Variants in DTX2 observed in about 807,000 individuals in gnomAD.
DTX2 encodes the protein probable E3 ubiquitin-protein ligase DTX2.
A neutral mutation model predicts 55.3 loss-of-function variants in DTX2; 29 were observed. The observed-to-expected ratio is 0.52, with a 90% CI of 0.39 to 0.71. The LOEUF (loss-of-function observed/expected upper bound fraction) is 0.71, where lower values mean the gene tolerates loss of function less well. DTX2 is among the 30% of genes least tolerant of loss of function. The probability of loss-of-function intolerance (pLI) is 0.00; values close to 1 mark genes in which losing one functional copy is unlikely to be tolerated. For missense variants in DTX2, 537 were observed against 822.5 expected (o/e 0.65, Z 4.25); for synonymous variants, 276 against 340.4 (o/e 0.81, Z 2.08).
chr7:76,499,031 G>A (rs1811315719), intron 6 of DTX2, among the ~76,000 whole-genome samples: 2 of 55,890 alleles, frequency 3.6e-5, no homozygotes, highest in Admixed American at 1.7e-4. Context: ...GTGTGAGGTG[G>A]GGTGTGAGGT....
Position 76,480,650 on chromosome 7 carries a change from C to G in DTX2, c.141C>G (p.Val47=). ...GCAGCTTCATCGAGCAGCAGTTTGTCCAGCAGAAGGGCCAACGTTTTGGGC... is the reference window on the plus strand; with the variant it reads ...GCAGCTTCATCGAGCAGCAGTTTGTGCAGCAGAAGGGCCAACGTTTTGGGC... The part of the protein sequence containing the change: ...TVCSFIEQQF[V]QQKGQRFGLG... The change falls in exon 3 of 11, where the codon GTC becomes GTG. Residue 47 remains valine (V), a synonymous_variant. Transcript: ENST00000430490. 6.2e-7 allele frequency: 1 copy of G among 1,613,680 alleles called. No individual in the cohort carries two copies. The highest frequency in any genetic ancestry group is 1.3e-5 in the African/African-American group (1 of 75,032).
At chr7:76,463,148 C>T (rs1328346047) in intron 1 of DTX2, among the ~76,000 whole-genome samples, 1 of 150,086 alleles carries the variant, frequency 6.7e-6, no homozygotes, top group African/African-American at 2.5e-5. Context: ...CGTGGTGACT[C>T]GAGCCTATAA....
At chr7:76,473,023 GTC>G (rs1176673052) in intron 2 of DTX2, among the ~76,000 whole-genome samples, 1 of 151,698 alleles carries the variant, frequency 6.6e-6, no homozygotes, top group Non-Finnish European at 1.5e-5. Context: ...AGAGATGGGG[GTC>G]TCTCTGTGTT....
In DTX2 at chr7:76,491,447, C is replaced by T. The variant is rs577878052; in HGVS notation, c.909-706C>T. ...GGACTACAGCTGTGTGCCAGCATGCCCAGCTAATTTTTTATATTTTTAGTA... is the reference window on the plus strand; with the variant it reads ...GGACTACAGCTGTGTGCCAGCATGCTCAGCTAATTTTTTATATTTTTAGTA... On this transcript the variant is annotated intron_variant, in intron 4 of 10. Coordinates refer to ENST00000430490, the MANE Select transcript of DTX2 (RefSeq NM_001102594.3). 4.2e-4 allele frequency among the ~76,000 whole-genome samples: 46 copies of T among 110,624 alleles called. 3 individuals carry two copies. In the South Asian group the frequency reaches 7.8e-3, roughly 19 times the overall value. The allele number at this position is 110,624 out of a possible 152,430, so 72.6% of individuals were successfully genotyped here. A position where few individuals can be genotyped will look rare whatever the true frequency, so the allele number is the denominator to read the frequency against.
intron 2 of DTX2, among the ~76,000 whole-genome samples, chr7:76,477,844 C>T (rs1351309820): frequency 3.5e-5 from 5 of 141,448 alleles, no homozygotes; most frequent in Admixed American, 7.2e-5. Flanking sequence ...AAATAAATGT[C>T]ACCTTTTATT....
intron 3 of DTX2, among the ~76,000 whole-genome samples, chr7:76,481,057 G>A (rs2690587): frequency 5.6e-4 from 85 of 152,374 alleles, no homozygotes; most frequent in African/African-American, 1.8e-3. Context: ...CCGGCAGGCC[G>A]GCATGGAGGT....
At position 76,482,915 on chromosome 7, in the gene DTX2, G is replaced by A. The variant is rs199598165; in HGVS notation, c.676G>A (p.Val226Ile). ...HSMTNLPAYP[V>I]PQHPPHRTAS... ...CATGACCAACCTCCCTGCATACCCC[G>A]TCCCCCAGCACCCCCCACACAGGAC... Residue 226 changes from valine to isoleucine, a missense_variant, in exon 4 of 11, where the codon GTC becomes ATC. Val to Ile is a conservative substitution (Grantham distance 29, BLOSUM62 3). Around this residue, in one of 7 missense-constraint regions of DTX2, gnomAD observed 301 missense variants for 396.6 expected, o/e 0.76. Coordinates refer to ENST00000430490, the MANE Select transcript of DTX2 (RefSeq NM_001102594.3). 86 of 1,613,436 alleles carry A rather than the reference G, an allele frequency of 5.3e-5. 1 individual carries two copies. Among genetic ancestry groups the A allele is most frequent in the South Asian group, 4.1e-4 (37 of 91,058 alleles).
intron 4 of DTX2, among the ~76,000 whole-genome samples, chr7:76,483,743 G>C (rs2116411364): frequency 6.6e-6 from 1 of 151,110 alleles, no homozygotes; most frequent in Non-Finnish European, 1.5e-5. Context: ...GTGCAGACCA[G>C]AGCGGGTGGC....
chr7:76,502,129 G>A (rs565679856), intron 7 of DTX2, 169 bp from the exon 8 acceptor site: 16 of 593,832 alleles, frequency 2.7e-5, no homozygotes, highest in Non-Finnish European at 3.5e-5. Context: ...TCAAGTGATC[G>A]GCCTCCTAGA....
chr7:76,481,199 T>C (rs1482193678), intron 3 of DTX2, among the ~76,000 whole-genome samples: 1 of 151,876 alleles, frequency 6.6e-6, no homozygotes, highest in African/African-American at 2.4e-5. Flanking sequence ...CTTTTTTTTT[T>C]TTTTTGAGAC....
chr7:76,495,734 A>G (rs1318087327), intron 5 of DTX2, among the ~76,000 whole-genome samples: 2 of 151,694 alleles, frequency 1.3e-5, no homozygotes, highest in Non-Finnish European at 2.9e-5. Context: ...CTGAGGGAAG[A>G]CAGTCCATAG....
At chr7:76,498,950 G>C (rs1329161135) in intron 6 of DTX2, among the ~76,000 whole-genome samples, 3 of 60,274 alleles carry the variant, frequency 5.0e-5, no homozygotes, top group Non-Finnish European at 6.2e-5. Flanking sequence ...ATGGAGGTGG[G>C]TGTGTGGGGT....
chr7:76,476,227 G>C (rs2429286), intron 2 of DTX2, among the ~76,000 whole-genome samples: 36,959 of 83,438 alleles, frequency 0.44, 8,428 homozygotes, highest in South Asian at 0.53. Flanking sequence ...ATGAAGAACC[G>C]GCATCATTAG....
In DTX2 at chr7:76,475,505, GGC is replaced by G. The variant is rs1198349184; in HGVS notation, c.-89-4915_-89-4914del. ...AGTTTGAGACCAACCTGGCCAATGT[GGC>G]AAAACCACATCTCTACTGAAAATAC... On this transcript the variant is annotated intron_variant, in intron 2 of 10. Transcript: ENST00000430490. Among the ~76,000 whole-genome samples, 243 of 144,810 alleles carry G rather than the reference GGC, an allele frequency of 1.7e-3. 1 individual carries two copies. The highest frequency in any genetic ancestry group is 5.8e-3 in the African/African-American group (228 of 39,354).
intron 4 of DTX2, among the ~76,000 whole-genome samples, chr7:76,491,341 C>T (rs972075831): frequency 5.8e-5 from 8 of 138,276 alleles, no homozygotes; most frequent in Non-Finnish European, 1.1e-4. Flanking sequence ...GTTGTCCAGG[C>T]TGGAGTGCAG....
chr7:76,488,895 G>GAA (rs1194872076), intron 4 of DTX2, among the ~76,000 whole-genome samples: 1 of 51,746 alleles, frequency 1.9e-5, no homozygotes. Flanking sequence ...GAGACTCCGA[G>GAA]AAAAAAAAAA....
chr7:76,468,794 A>T (rs1584120113), intron 2 of DTX2, among the ~76,000 whole-genome samples: 1 of 121,064 alleles, frequency 8.3e-6, no homozygotes, highest in Admixed American at 8.7e-5. Flanking sequence ...GCAGGGTCTA[A>T]CTCTGTTGCC....
At chr7:76,501,210 G>A (rs1307708678) in intron 7 of DTX2, 8 of 444,692 alleles carry the variant, frequency 1.8e-5, no homozygotes, top group East Asian at 7.0e-5. Context: ...ACTTGGGGGC[G>A]GGTGGAAGGC....
At chr7:76,504,857 G>T (rs1196088661) in intron 10 of DTX2, among the ~76,000 whole-genome samples, 1 of 152,048 alleles carries the variant, frequency 6.6e-6, no homozygotes, top group Non-Finnish European at 1.5e-5. Context: ...CCGTGGTGTG[G>T]GTGTGAAGAC....
Sources: allele counts gnomAD v4.1 joint callset (sites outside exome capture counted in the v4.1 genomes callset), GRCh38; gene constraint gnomAD v4.1.1; regional missense constraint gnomAD v4.1.1; transcripts MANE v1.5; gene names NCBI Gene and HGNC (gene_info 2026-07-23, HGNC 2026-07-21).